Variants in CLDN10 observed in about 807,000 individuals in gnomAD.
The protein encoded by CLDN10 is claudin 10.
Under a neutral mutation model 22.9 loss-of-function variants are expected in CLDN10, and 15 were observed. That is an observed-to-expected ratio of 0.65 (90% CI 0.44 to 1.01). The LOEUF (loss-of-function observed/expected upper bound fraction) is 1.01, where lower values mean the gene tolerates loss of function less well. CLDN10 is among the 50% of genes least tolerant of loss of function. The pLI, the probability that CLDN10 is intolerant of heterozygous loss-of-function variation, is 0.00. For synonymous variants in CLDN10, 114 were observed against 111.4 expected (o/e 1.02, Z -0.15); for missense variants, 247 against 287.8 (o/e 0.86, Z 1.03).
chr13:95,477,749 C>T (rs1337232089), intron 1 of CLDN10, among the ~76,000 whole-genome samples: 1 of 152,170 alleles, frequency 6.6e-6, no homozygotes, highest in African/African-American at 2.4e-5. Flanking sequence ...CAACCCCTCA[C>T]CCCAGACTGA....
chr13:95,447,599 C>T (rs775518496), intron 1 of CLDN10, among the ~76,000 whole-genome samples: 8 of 152,134 alleles, frequency 5.3e-5, no homozygotes, highest in Non-Finnish European at 1.0e-4. Context: ...TCTGCCTGAT[C>T]CCCAGGGCCT....
At chr13:95,502,279 AAC>A (rs1232974054) in intron 1 of CLDN10, among the ~76,000 whole-genome samples, 2 of 152,206 alleles carry the variant, frequency 1.3e-5, no homozygotes, top group African/African-American at 4.8e-5. Flanking sequence ...TAATTGCAGT[AAC>A]ACTTCGAATC....
chr13:95,495,172 A>T (rs531999586), intron 1 of CLDN10, among the ~76,000 whole-genome samples: 80 of 151,840 alleles, frequency 5.3e-4, no homozygotes, highest in Non-Finnish European at 9.0e-4. Context: ...AGTAGCTGGG[A>T]CCACAGGAAC....
At chr13:95,546,156 G>C (rs1015391026) in intron 1 of CLDN10, among the ~76,000 whole-genome samples, 60 of 152,140 alleles carry the variant, frequency 3.9e-4, no homozygotes, top group African/African-American at 1.4e-3. Context: ...TGAAAATAAA[G>C]TTAAATCAAG....
intron 1 of CLDN10, among the ~76,000 whole-genome samples, chr13:95,457,603 A>G (rs1422192973): frequency 6.6e-6 from 1 of 152,154 alleles, no homozygotes; most frequent in Admixed American, 6.5e-5. Flanking sequence ...CTCTGCAACT[A>G]GAAATGACCT....
chr13:95,519,028 G>A (rs150921676), intron 1 of CLDN10, among the ~76,000 whole-genome samples: 13 of 152,288 alleles, frequency 8.5e-5, no homozygotes, highest in Non-Finnish European at 1.5e-4. Flanking sequence ...ATGTGACCTT[G>A]AGTAAATTGC....
chr13:95,466,876 C>CA (rs1406350179), intron 1 of CLDN10, among the ~76,000 whole-genome samples: 3 of 136,890 alleles, frequency 2.2e-5, no homozygotes, highest in Non-Finnish European at 4.7e-5. Flanking sequence ...ACCCCCTCTA[C>CA]TTTTTTTTTT....
intron 1 of CLDN10, among the ~76,000 whole-genome samples, chr13:95,525,323 T>A (rs745653141): frequency 3.3e-5 from 5 of 152,206 alleles, no homozygotes; most frequent in Non-Finnish European, 5.9e-5. Flanking sequence ...AAGTCCTTTG[T>A]CCATTACTAA....
In CLDN10 at chr13:95,552,741, T is replaced by A. The variant is rs1413902906; in HGVS notation, c.-13T>A. ...GTGGGAGCCGGAGAGCGAGCGCGGC[T>A]GCAGCCGGCGGCATGGCTAGCACGG... On this transcript the variant is annotated 5_prime_UTR_variant, in exon 1 of 5. Transcript: ENST00000299339. The A allele has an allele frequency of 1.2e-6, 2 of 1,604,966 alleles. No homozygotes were observed. Among genetic ancestry groups the A allele is most frequent in the South Asian group, 2.2e-5 (2 of 90,302 alleles).
chr13:95,487,042 A>G (rs186927330), intron 1 of CLDN10, among the ~76,000 whole-genome samples: 34 of 152,378 alleles, frequency 2.2e-4, no homozygotes, highest in African/African-American at 7.9e-4. Flanking sequence ...GTCCGTGTCC[A>G]GCCTGTTGCT....
In CLDN10 at chr13:95,444,802, G is replaced by T. The variant is rs113808365; in HGVS notation, c.214+10755G>T. On this transcript the variant is annotated intron_variant, in intron 1 of 4. Coordinates refer to the CLDN10 transcript ENST00000376873. The stretch of plus-strand genomic sequence containing the variant: ...TTTTGTTTGTTTTGTTTTGTTGTTG[G>T]TGGTGGTGTTTTTACAGAGTCTCAC... Among the ~76,000 whole-genome samples the T allele has an allele frequency of 7.0e-3, 1,058 of 152,198 alleles. 6 individuals are homozygous for T. The highest frequency in any genetic ancestry group is 0.021 in the African/African-American group (871 of 41,522).
At position 95,433,795 on chromosome 13, in the gene CLDN10, G is replaced by A. The variant is rs758384695; in HGVS notation, c.-39G>A. The A allele has an allele frequency of 6.8e-6, 11 of 1,608,374 alleles. No individual in the cohort carries two copies. The South Asian group carries it at 1.2e-4, about 18-fold the overall frequency. On this transcript the variant is annotated 5_prime_UTR_variant, in exon 1 of 5. Coordinates refer to the CLDN10 transcript ENST00000376873. Reference sequence around the variant, plus strand: ...GGCTGCATGCCTAGACCACCAAAGCGTTCTGACCGGACAGTGTCACTGGAG... The same window carrying A: ...GGCTGCATGCCTAGACCACCAAAGCATTCTGACCGGACAGTGTCACTGGAG...
Position 95,560,202 on chromosome 13 carries a change from G to C in CLDN10, c.291G>C (p.Ala97=). 2.5e-6 allele frequency: 4 copies of C among 1,614,126 alleles called. No homozygotes were observed. Among genetic ancestry groups the C allele is most frequent in the Non-Finnish European group, 3.4e-6 (4 of 1,179,988 alleles). Residue 97 remains alanine, a synonymous_variant, in exon 2 of 5, where the codon GCG becomes GCC. Coordinates refer to ENST00000299339, the MANE Select transcript of CLDN10 (RefSeq NM_006984.5). The part of the protein sequence containing the change: ...VSLGFFGSIF[A]LFGMKCTKVG... ...TGGGCTTCTTTGGTTCCATATTTGC[G>C]CTCTTTGGAATGAAGTGTACCAAAG... is the stretch of plus-strand genomic sequence containing the variant.
rs556512340 is a variant in CLDN10, at chr13:95,464,296, C to T, written c.214+30249C>T. Among the ~76,000 whole-genome samples the T allele has an allele frequency of 1.4e-3, 208 of 152,130 alleles. 1 individual carries two copies. The highest frequency in any genetic ancestry group is 3.4e-3 in the Middle Eastern group (1 of 294). On this transcript the variant is annotated intron_variant, in intron 1 of 4. Transcript: ENST00000376873. ...GGCCCCGGTGTGTGATGCTCCCCTTCCTTGTCCAAGTGTTCTCATTGTTCA... is the reference window on the plus strand; with the variant it reads ...GGCCCCGGTGTGTGATGCTCCCCTTTCTTGTCCAAGTGTTCTCATTGTTCA...
intron 1 of CLDN10, among the ~76,000 whole-genome samples, chr13:95,538,782 A>T (rs1444949320): frequency 1.3e-5 from 2 of 152,164 alleles, no homozygotes; most frequent in Non-Finnish European, 2.9e-5. Context: ...GTACCCGCTT[A>T]TGGCAACAAC....
chr13:95,534,329 T>C (rs1320326703), intron 1 of CLDN10, among the ~76,000 whole-genome samples: 2 of 152,156 alleles, frequency 1.3e-5, no homozygotes, highest in Non-Finnish European at 2.9e-5. Context: ...GACGATATGT[T>C]AATAAAATAA....
intron 1 of CLDN10, among the ~76,000 whole-genome samples, chr13:95,501,271 C>A (rs1348964352): frequency 1.3e-5 from 2 of 152,138 alleles, no homozygotes; most frequent in Non-Finnish European, 2.9e-5. Flanking sequence ...GACTTGGCCT[C>A]CTGAAGTGCT....
chr13:95,560,008 C>A, intron 1 of CLDN10, 124 bp from the exon 2 acceptor site: 1 of 920,728 alleles, frequency 1.1e-6, no homozygotes, highest in Non-Finnish European at 1.7e-6. Context: ...TGTCTTGCCA[C>A]ATGTTTTCAC....
chr13:95,442,369 A>G (rs1006024601), intron 1 of CLDN10, among the ~76,000 whole-genome samples: 1 of 152,248 alleles, frequency 6.6e-6, no homozygotes. Flanking sequence ...GCCTGATAGA[A>G]GCATGCCTTT....
Sources: allele counts gnomAD v4.1 joint callset (sites outside exome capture counted in the v4.1 genomes callset), GRCh38; gene constraint gnomAD v4.1.1; transcripts MANE v1.5; gene names NCBI Gene and HGNC (gene_info 2026-07-23, HGNC 2026-07-21).